DENND2C: variants seen among roughly 807,000 people sequenced by gnomAD.
DENND2C encodes DENN domain containing 2C.
DENND2C carries 72 observed loss-of-function variants against 112.4 expected under a neutral mutation model. The ratio of observed to expected loss-of-function variants is 0.64; its 90% CI spans 0.53 to 0.78. The LOEUF is 0.78. Ranked by LOEUF, DENND2C falls within the 30% of genes least tolerant of loss-of-function variation. DENND2C has a pLI of 0.00. For synonymous variants in DENND2C, 329 were observed against 381.6 expected, an observed-to-expected ratio of 0.86 and a Z score of 1.61; for missense variants, 992 against 1,113.8, an observed-to-expected ratio of 0.89 and a Z score of 1.56.
rs776108395 is a variant in DENND2C at position 114,587,765 on chromosome 1, C to T, written c.2619G>A (p.Met873Ile). Residue 873 changes from methionine to isoleucine, a missense_variant, in exon 19 of 21, where the codon ATG (methionine) becomes ATA (isoleucine). Met to Ile is a conservative substitution (Grantham distance 10). Transcript: ENST00000393274. ...CTCGGTCCTGGATGAATCCTGCAAACATCTGAGTTTCCATGAAGAGATCCA... is the reference window on the plus strand; with the variant it reads ...CTCGGTCCTGGATGAATCCTGCAAATATCTGAGTTTCCATGAAGAGATCCA... ...HFLDLFMETQ[M>I]FAGFIQDREL... 2 of 1,614,108 alleles carry T rather than the reference C, an allele frequency of 1.2e-6. No individual in the cohort carries two copies. The highest frequency in any genetic ancestry group is 1.7e-6 in the Non-Finnish European group (2 of 1,180,014).
At chr1:114,662,115 C>G (rs1235532759) in intron 1 of DENND2C, among the ~76,000 whole-genome samples, 1 of 152,126 alleles carries the variant, frequency 6.6e-6, no homozygotes, top group Non-Finnish European at 1.5e-5. Flanking sequence ...TCAGTAAATA[C>G]TGTTGTGGAG....
chr1:114,657,713 A>C (rs541974548), intron 1 of DENND2C, among the ~76,000 whole-genome samples: 1 of 152,230 alleles, frequency 6.6e-6, no homozygotes. Flanking sequence ...GCAAATATCA[A>C]CTGTAGACAA....
At chr1:114,615,441 CTCT>C (rs1655938760) in intron 8 of DENND2C, among the ~76,000 whole-genome samples, 1 of 152,218 alleles carries the variant, frequency 6.6e-6, no homozygotes, top group South Asian at 2.1e-4. Flanking sequence ...ATGCTTCCTC[CTCT>C]GTCTTAGCTT....
chr1:114,589,983 TAC>T (rs2101639528), intron 18 of DENND2C, among the ~76,000 whole-genome samples: 1 of 152,374 alleles, frequency 6.6e-6, no homozygotes, highest in Non-Finnish European at 1.5e-5. Context: ...AGTTTCACTA[TAC>T]ACACATAAAA....
chr1:114,634,742 A>AC (rs1349195370), intron 3 of DENND2C, among the ~76,000 whole-genome samples: 1 of 152,138 alleles, frequency 6.6e-6, no homozygotes, highest in Non-Finnish European at 1.5e-5. Flanking sequence ...TGAAACTGGA[A>AC]CACGGCCGGG....
At chr1:114,619,799 C>A (rs1053406651) in intron 7 of DENND2C, among the ~76,000 whole-genome samples, 13 of 152,020 alleles carry the variant, frequency 8.6e-5, no homozygotes, top group Non-Finnish European at 1.6e-4. Flanking sequence ...AAAGTAGAAT[C>A]AAAAGTATAT....
intron 3 of DENND2C, among the ~76,000 whole-genome samples, chr1:114,640,797 T>C (rs2101680782): frequency 6.6e-6 from 1 of 152,334 alleles, no homozygotes; most frequent in African/African-American, 2.4e-5. Context: ...TTTTTTAAGT[T>C]TTATCACAAT....
At chr1:114,619,996 C>G (rs896311062) in intron 7 of DENND2C, among the ~76,000 whole-genome samples, 4 of 152,096 alleles carry the variant, frequency 2.6e-5, no homozygotes, top group African/African-American at 9.7e-5. Flanking sequence ...AGGAAATGTA[C>G]TCTAGCAAAC....
chr1:114,599,451 G>A lies in DENND2C; in HGVS notation c.2106C>T (p.Ser702=). Residue 702 remains serine (S), a splice_region_variant and synonymous_variant, in exon 16 of 21, where the codon AGC becomes AGT. Coordinates refer to ENST00000393274, the MANE Select transcript of DENND2C (RefSeq NM_001256404.2). ...CAGCATGGCCACATTTTGACAGGGT[G>A]CTAGCCAGAGGAGAAAACAAATGGT... ...RRVIFVANSL[S]TLSKCGHAVV... is the part of the protein sequence containing the mutation. The A allele has an allele frequency of 6.2e-7, 1 of 1,611,300 alleles. No homozygotes were observed. Among genetic ancestry groups the A allele is most frequent in the Non-Finnish European group, 8.5e-7 (1 of 1,178,326 alleles).
chr1:114,616,348 C>T (rs1452245753), intron 8 of DENND2C, among the ~76,000 whole-genome samples: 1 of 151,320 alleles, frequency 6.6e-6, no homozygotes, highest in African/African-American at 2.4e-5. Flanking sequence ...GCTGAAATTG[C>T]ACCACTGCAC....
chr1:114,589,026 G>A (rs1045865220), intron 18 of DENND2C, among the ~76,000 whole-genome samples: 1 of 152,116 alleles, frequency 6.6e-6, no homozygotes, highest in Admixed American at 6.6e-5. Context: ...TTTTACAGAG[G>A]AAACTGAGAT....
chr1:114,652,882 T>C (rs1657210102), intron 2 of DENND2C, among the ~76,000 whole-genome samples: 3 of 151,948 alleles, frequency 2.0e-5, no homozygotes, highest in Admixed American at 6.5e-5. Context: ...TTACTTATAA[T>C]ACCTAATGCA....
intron 18 of DENND2C, among the ~76,000 whole-genome samples, chr1:114,590,967 G>A (rs1307094637): frequency 6.6e-6 from 1 of 151,592 alleles, no homozygotes; most frequent in Non-Finnish European, 1.5e-5. Context: ...GATATTGTCA[G>A]ACTTAATTTT....
intron 3 of DENND2C, among the ~76,000 whole-genome samples, chr1:114,644,556 T>C (rs1268208497): frequency 6.6e-6 from 1 of 152,188 alleles, no homozygotes; most frequent in Non-Finnish European, 1.5e-5. Flanking sequence ...CTTCTTAGAA[T>C]AGTTTAAGAA....
chr1:114,623,425 T>C (rs1656241474), intron 5 of DENND2C, 82 bp downstream of exon 5: 8 of 1,372,372 alleles, frequency 5.8e-6, no homozygotes, highest in African/African-American at 1.5e-5. Flanking sequence ...TGCTTGATTA[T>C]AGAAGAAAAT....
rs763695739 is a variant in DENND2C at position 114,595,818 on chromosome 1, C to T, written c.2325+14G>A. Reference sequence around the variant, plus strand: ...TATCCTAAAACATAAGTAATTACCTCCTTTGGCACTCACCTCCTGTAAGAA... The same window carrying T: ...TATCCTAAAACATAAGTAATTACCTTCTTTGGCACTCACCTCCTGTAAGAA... On this transcript the variant is annotated intron_variant, in intron 17 of 20. Coordinates refer to ENST00000393274, the MANE Select transcript of DENND2C (RefSeq NM_001256404.2). 96 of 1,610,194 alleles carry T rather than the reference C, an allele frequency of 6.0e-5. No individual in the cohort carries two copies. In the Middle Eastern group the frequency reaches 1.6e-3, roughly 28 times the overall value.
intron 3 of DENND2C, among the ~76,000 whole-genome samples, chr1:114,639,971 CTGCAT>C (rs1656778483): frequency 6.6e-6 from 1 of 152,180 alleles, no homozygotes; most frequent in Non-Finnish European, 1.5e-5. Context: ...ATATGTGGGA[CTGCAT>C]AATATGTGGG....
intron 20 of DENND2C, chr1:114,587,096 C>T: frequency 3.4e-6 from 1 of 294,404 alleles, no homozygotes; most frequent in Admixed American, 4.4e-5. Context: ...TGGGGTTTCA[C>T]CATGTTGGAC....
intron 1 of DENND2C, among the ~76,000 whole-genome samples, chr1:114,665,847 C>G (rs1163571173): frequency 6.6e-6 from 1 of 152,148 alleles, no homozygotes; most frequent in African/African-American, 2.4e-5. Context: ...TCTTCTAATT[C>G]TACATACTCC....
Sources: gnomAD v4.1 joint callset for allele counts (sites outside exome capture counted in the v4.1 genomes callset) on GRCh38, gnomAD v4.1.1 for gene constraint, MANE v1.5 for transcripts, NCBI Gene and HGNC (gene_info 2026-07-23, HGNC 2026-07-21) for gene names.